Variants in USO1 observed in about 807,000 individuals in gnomAD.
USO1 encodes general vesicular transport factor p115.
Under a neutral mutation model 124.5 loss-of-function variants are expected in USO1, and 57 were observed. The ratio of observed to expected loss-of-function variants is 0.46; its 90% CI spans 0.37 to 0.57. USO1 has a LOEUF of 0.57. Ranked by LOEUF, USO1 falls within the 20% of genes least tolerant of loss-of-function variation. USO1 has a pLI of 0.00. For missense variants in USO1, 900 were observed against 1,040.6 expected (o/e 0.86, Z 1.86); for synonymous variants, 369 against 362.8 (o/e 1.02, Z -0.19).
chr4:75,729,748 G>A (rs1346517605), intron 1 of USO1, among the ~76,000 whole-genome samples: 7 of 152,022 alleles, frequency 4.6e-5, no homozygotes, highest in African/African-American at 1.2e-4. Context: ...GTTGGACCCC[G>A]AGACATGAAA....
intron 1 of USO1, among the ~76,000 whole-genome samples, chr4:75,748,839 A>G (rs901494042): frequency 2.0e-5 from 3 of 152,144 alleles, no homozygotes; most frequent in Non-Finnish European, 2.9e-5. Flanking sequence ...AGTAAAGGCA[A>G]TTGCAGTCTT....
chr4:75,762,648 G>A (rs1721650768), intron 4 of USO1, among the ~76,000 whole-genome samples: 1 of 152,022 alleles, frequency 6.6e-6, no homozygotes, highest in Non-Finnish European at 1.5e-5. Flanking sequence ...CATGTACCTG[G>A]CCAGGTACGG....
At chr4:75,788,170 T>A (rs890515284) in intron 10 of USO1, among the ~76,000 whole-genome samples, 23 of 93,974 alleles carry the variant, frequency 2.4e-4, no homozygotes, top group Admixed American at 7.9e-4. Context: ...TTTATTTATT[T>A]ATTTTTTTTT....
chr4:75,767,330 AC>A (rs1721793117), intron 4 of USO1, among the ~76,000 whole-genome samples: 1 of 152,242 alleles, frequency 6.6e-6, no homozygotes, highest in Non-Finnish European at 1.5e-5. Flanking sequence ...TTACTTAGAT[AC>A]CCCCTAACAC....
At chr4:75,750,435 C>G (rs1721270017) in intron 1 of USO1, among the ~76,000 whole-genome samples, 1 of 848 alleles carries the variant, frequency 1.2e-3, no homozygotes, top group African/African-American at 7.5e-3. Flanking sequence ...AAGACCCCAT[C>G]TAAAAAAAAA....
intron 1 of USO1, among the ~76,000 whole-genome samples, chr4:75,732,656 A>G (rs1278397069): frequency 1.3e-5 from 2 of 152,028 alleles, no homozygotes; most frequent in African/African-American, 4.8e-5. Context: ...AGGCGGGCAG[A>G]TCACGAGGTG....
At chr4:75,744,658 G>T (rs1413553284) in intron 1 of USO1, among the ~76,000 whole-genome samples, 2 of 152,206 alleles carry the variant, frequency 1.3e-5, no homozygotes, top group African/African-American at 4.8e-5. Flanking sequence ...GACCTCAGGT[G>T]ATCTGCCTGC....
chr4:75,809,823 T>G (rs973267293), intron 21 of USO1, among the ~76,000 whole-genome samples: 18 of 152,200 alleles, frequency 1.2e-4, no homozygotes, highest in Non-Finnish European at 2.6e-4. Context: ...CTAGCAACAG[T>G]CTCATCAAGG....
chr4:75,729,914 G>T (rs1159602985), intron 1 of USO1: 1 of 410,656 alleles, frequency 2.4e-6, no homozygotes, highest in Non-Finnish European at 4.8e-6. Context: ...AAAGAGTGTG[G>T]ACTTAAATTT....
chr4:75,812,610 A>C (rs1252927212), intron 23 of USO1, among the ~76,000 whole-genome samples: 4 of 152,194 alleles, frequency 2.6e-5, no homozygotes, highest in Admixed American at 6.5e-5. Context: ...GTAAGCCTAG[A>C]AAGTGAATTG....
At chr4:75,772,305 C>T (rs372729315) in intron 7 of USO1, among the ~76,000 whole-genome samples, 37 of 152,104 alleles carry the variant, frequency 2.4e-4, no homozygotes, top group African/African-American at 8.9e-4. Context: ...GGCATGATCT[C>T]GGCTCACTGC....
intron 1 of USO1, among the ~76,000 whole-genome samples, chr4:75,734,810 CCT>C (rs1376269642): frequency 7.2e-6 from 1 of 139,560 alleles, no homozygotes; most frequent in Non-Finnish European, 1.5e-5. Context: ...CTCACTGCAA[CCT>C]CTGTCTCCCG....
rs192621592 is a variant in USO1, at chr4:75,806,488, A to G, written c.2292A>G (p.Lys764=). The change falls in exon 20 of 24, where the codon AAA becomes AAG. Residue 764 remains lysine (K), a splice_region_variant and synonymous_variant. Transcript: ENST00000514213. The part of the protein sequence containing the change: ...TEKDSMIENM[K]SSQTSGTNEQ... ...GTTTATTTTTGTGCTATTTGCAGAA[A>G]TCTTCCCAAACATCTGGCACAAATG... The G allele has an allele frequency of 3.6e-4, 556 of 1,556,470 alleles. 1 individual carries two copies. Among genetic ancestry groups the G allele is most frequent in the Non-Finnish European group, 4.4e-5 (50 of 1,149,190 alleles).
chr4:75,769,685 A>G (rs1577949497), intron 4 of USO1, among the ~76,000 whole-genome samples: 3 of 151,314 alleles, frequency 2.0e-5, no homozygotes, highest in East Asian at 3.9e-4. Context: ...AGTTTATAAT[A>G]TAGGCAGATC....
rs1722926632 is a variant in USO1 at position 75,804,096 on chromosome 4, A to G, written c.1987-38A>G. The G allele has an allele frequency of 6.2e-6, 10 of 1,600,878 alleles. No homozygotes were observed. In the Admixed American group the frequency reaches 8.7e-5, roughly 14 times the overall value. Reference sequence around the variant, plus strand: ...GTTCACCTTCTTAATGCTAACGAGTATGACTTTAAAACACATGAATTATGT... The same window carrying G: ...GTTCACCTTCTTAATGCTAACGAGTGTGACTTTAAAACACATGAATTATGT... On this transcript the variant is annotated intron_variant, in intron 17 of 23. Transcript: ENST00000514213.
At chr4:75,785,579 G>C (rs890466710) in intron 9 of USO1, among the ~76,000 whole-genome samples, 2 of 151,886 alleles carry the variant, frequency 1.3e-5, no homozygotes, top group African/African-American at 4.8e-5. Context: ...TTGCTTTCTG[G>C]AATGACACAT....
At chr4:75,774,393 A>G (rs1047541768) in intron 7 of USO1, among the ~76,000 whole-genome samples, 2 of 152,234 alleles carry the variant, frequency 1.3e-5, no homozygotes, top group African/African-American at 4.8e-5. Context: ...GTAGTGGTTA[A>G]TGAATATAAA....
intron 10 of USO1, 45 bp downstream of exon 10, chr4:75,787,247 C>A: frequency 7.1e-7 from 1 of 1,404,370 alleles, no homozygotes; most frequent in South Asian, 1.8e-5. Flanking sequence ...AGTTGAAATC[C>A]TGAATCCTAG....
chr4:75,811,413 CCCCCAAAG>C (rs772893072), intron 22 of USO1, among the ~76,000 whole-genome samples: 2 of 152,204 alleles, frequency 1.3e-5, no homozygotes, highest in Non-Finnish European at 2.9e-5. Context: ...GCATTGGCCC[CCCCCAAAG>C]TGCTGGGATT....
Sources: allele counts gnomAD v4.1 joint callset (sites outside exome capture counted in the v4.1 genomes callset), GRCh38; gene constraint gnomAD v4.1.1; transcripts MANE v1.5; gene names NCBI Gene and HGNC (gene_info 2026-07-23, HGNC 2026-07-21).